The following SLC36A4 variants were observed in gnomAD, a reference collection of about 807,000 sequenced individuals.
SLC36A4 encodes the protein neutral amino acid uniporter 4.
Under a neutral mutation model 50.5 loss-of-function variants are expected in SLC36A4, and 49 were observed. That is an observed-to-expected ratio of 0.97 (90% confidence interval 0.77 to 1.23). The LOEUF is 1.23. SLC36A4 is among the 50% of genes most tolerant of loss of function. The pLI is 0.00. For synonymous variants in SLC36A4, 207 were observed against 206.5 expected (o/e 1.00, Z -0.02); for missense variants, 611 against 608.4 (o/e 1.00, Z -0.05).
chr11:93,197,468 G>T (rs983329182), intron 1 of SLC36A4: 2 of 452,050 alleles, frequency 4.4e-6, no homozygotes, highest in Non-Finnish European at 7.8e-6. Flanking sequence ...CGTGAGTCAC[G>T]GCGCAGGCTC....
intron 10 of SLC36A4, 42 bp downstream of exon 10, chr11:93,154,063 GAAC>G: frequency 2.2e-6 from 2 of 909,930 alleles, no homozygotes; most frequent in Non-Finnish European, 3.1e-6. Context: ...TCAAGAAATT[GAAC>G]AATAAAAAAT....
At chr11:93,177,701 G>A (rs181749562) in intron 6 of SLC36A4, among the ~76,000 whole-genome samples, 439 of 152,258 alleles carry the variant, frequency 2.9e-3, no homozygotes, top group Non-Finnish European at 5.2e-3. Flanking sequence ...ATTGCAGAAC[G>A]GCAAACGTTC....
chr11:93,169,241 G>T (rs1209357699), intron 6 of SLC36A4, among the ~76,000 whole-genome samples: 1 of 152,004 alleles, frequency 6.6e-6, no homozygotes, highest in African/African-American at 2.4e-5. Context: ...TAAAGTAGAT[G>T]GTAATATTAA....
At chr11:93,183,788 C>T (rs1861850860) in intron 3 of SLC36A4, among the ~76,000 whole-genome samples, 1 of 151,964 alleles carries the variant, frequency 6.6e-6, no homozygotes, top group African/African-American at 2.4e-5. Flanking sequence ...AACTCCACCT[C>T]CTGGGTTCAC....
intron 6 of SLC36A4, among the ~76,000 whole-genome samples, chr11:93,173,970 C>A (rs1157009852): frequency 2.1e-5 from 3 of 146,030 alleles, no homozygotes; most frequent in Non-Finnish European, 3.0e-5. Flanking sequence ...GTAGTTTTTT[C>A]CAATTCTGTG....
intron 6 of SLC36A4, among the ~76,000 whole-genome samples, chr11:93,169,060 T>C (rs1302987425): frequency 2.0e-5 from 3 of 152,110 alleles, no homozygotes; most frequent in Non-Finnish European, 4.4e-5. Context: ...CAAAACAGTG[T>C]ACCCTCCTTC....
chr11:93,148,859 T>G lies in SLC36A4; in HGVS notation c.1208-15A>C. 1 of 1,587,580 alleles carries G rather than the reference T, an allele frequency of 6.3e-7. No individual in the cohort carries two copies. Among genetic ancestry groups the G allele is most frequent in the Non-Finnish European group, 8.5e-7 (1 of 1,170,728 alleles). On this transcript the variant is annotated splice_polypyrimidine_tract_variant and intron_variant, in intron 10 of 10. Coordinates refer to ENST00000326402, the MANE Select transcript of SLC36A4 (RefSeq NM_152313.4). ...TGCTCCGGCACCTAGAAAATGAAAA[T>G]ACATTTATTTTTCTTATTTAAATGT...
chr11:93,157,144 A>C (rs1184149672), intron 9 of SLC36A4, among the ~76,000 whole-genome samples: 2 of 152,174 alleles, frequency 1.3e-5, no homozygotes, highest in Non-Finnish European at 1.5e-5. Context: ...TTCAAAGATC[A>C]AATAGTTGCA....
At chr11:93,182,149 T>C (rs1275449021) in intron 4 of SLC36A4, 1 of 180,652 alleles carries the variant, frequency 5.5e-6, no homozygotes, top group Non-Finnish European at 1.1e-5. Context: ...CATTATTTAA[T>C]AATACATCTG....
At chr11:93,190,923 A>T (rs1451293389) in intron 1 of SLC36A4, among the ~76,000 whole-genome samples, 2 of 151,870 alleles carry the variant, frequency 1.3e-5, no homozygotes, top group Admixed American at 6.5e-5. Flanking sequence ...AAAAATGTTT[A>T]TCTGTTAAAC....
At chr11:93,160,051 G>A (rs1023355815) in intron 9 of SLC36A4, 4 of 985,174 alleles carry the variant, frequency 4.1e-6, no homozygotes, top group African/African-American at 1.7e-5. Context: ...AGAGAGACTC[G>A]TATATAGTAT....
rs1042675839 is a variant in SLC36A4 at position 93,160,299 on chromosome 11, G to A, written c.1037+2407C>T. 1.7e-5 allele frequency: 17 copies of A among 985,328 alleles called. No homozygotes were observed. The African/African-American group carries it at 3.0e-4, about 17-fold the overall frequency. The allele number at this position is 985,328 out of a possible 1,614,324, so 61.0% of individuals were successfully genotyped here. The stretch of plus-strand genomic sequence containing the variant: ...ATGCAAATTCTCTAAAGGGAAATAT[G>A]TGTCTTGACTGGCTTTCCTGTTTTT... On this transcript the variant is annotated intron_variant, in intron 9 of 10. Transcript: ENST00000326402.
chr11:93,160,036 G>A (rs1011995359), intron 9 of SLC36A4: 1 of 985,270 alleles, frequency 1.0e-6, no homozygotes, highest in African/African-American at 1.7e-5. Context: ...CAGGAAAGAA[G>A]TGAAAGAGAG....
At chr11:93,180,663 A>G in intron 6 of SLC36A4, 134 bp downstream of exon 6, 4 of 724,284 alleles carry the variant, frequency 5.5e-6, no homozygotes, top group Non-Finnish European at 9.3e-6. Context: ...AGACTAAAGG[A>G]AAATTTATAA....
At chr11:93,196,431 A>G (rs1862426945) in intron 1 of SLC36A4, among the ~76,000 whole-genome samples, 1 of 152,014 alleles carries the variant, frequency 6.6e-6, no homozygotes, top group Non-Finnish European at 1.5e-5. Context: ...CAGTGGCACG[A>G]TCTCGGCTCA....
rs1351949049 is a variant in SLC36A4, at chr11:93,162,641, T to C, written c.1037+65A>G. 2.3e-5 allele frequency: 30 copies of C among 1,303,648 alleles called. 1 individual carries two copies. In the East Asian group the frequency reaches 6.4e-4, roughly 28 times the overall value. The allele number at this position is 1,303,648 out of a possible 1,614,324, so 80.8% of individuals were successfully genotyped here. On this transcript the variant is annotated intron_variant, in intron 9 of 10. Transcript: ENST00000326402. Reference sequence around the variant, plus strand: ...AACCATAAATCCAAGAACACGACTTTATCATCAAACAGTGGTACATTATAA... The same window carrying C: ...AACCATAAATCCAAGAACACGACTTCATCATCAAACAGTGGTACATTATAA...
At chr11:93,181,898 A>G (rs1474151798) in intron 4 of SLC36A4, 112 bp from the exon 5 acceptor site, 1 of 871,484 alleles carries the variant, frequency 1.1e-6, no homozygotes, top group African/African-American at 1.7e-5. Context: ...ATGCAAGGCT[A>G]TGAACTGACA....
chr11:93,147,212 T>G lies in SLC36A4; in HGVS notation c.*1325A>C, dbSNP rs948934065. 3.3e-5 allele frequency: 5 copies of G among 152,188 alleles called. No homozygotes were observed. Among genetic ancestry groups the G allele is most frequent in the Admixed American group, 6.6e-5 (1 of 15,234 alleles). 9.4% of individuals were successfully genotyped at this position (152,188 alleles called of 1,614,324 possible). A position where few individuals can be genotyped will look rare whatever the true frequency, so the allele number is the denominator to read the frequency against. ...GCTGCCCAGGCTGGTCTCAAGCTCC[T>G]GGCCTCTCAAGTGATCCTCCCAACT... On this transcript the variant is annotated 3_prime_UTR_variant, in exon 11 of 11. Coordinates refer to ENST00000326402, the MANE Select transcript of SLC36A4 (RefSeq NM_152313.4).
intron 6 of SLC36A4, among the ~76,000 whole-genome samples, chr11:93,176,703 T>C (rs1861491736): frequency 2.0e-5 from 3 of 152,174 alleles, no homozygotes; most frequent in Admixed American, 2.0e-4. Flanking sequence ...CTCCTTCACT[T>C]ATGAAGCTTA....
Sources: gnomAD v4.1 joint callset for allele counts (sites outside exome capture counted in the v4.1 genomes callset) on GRCh38, gnomAD v4.1.1 for gene constraint, MANE v1.5 for transcripts, NCBI Gene and HGNC (gene_info 2026-07-23, HGNC 2026-07-21) for gene names.